Variants in TMTC1 observed in about 807,000 individuals in gnomAD.
TMTC1 encodes transmembrane O-mannosyltransferase targeting cadherins 1.
In TMTC1, 73 loss-of-function variants were observed where a neutral mutation model predicts 104.8. That is an observed-to-expected ratio of 0.70 (90% CI 0.58 to 0.85). The LOEUF (loss-of-function observed/expected upper bound fraction) is 0.85, where lower values mean the gene tolerates loss of function less well. Among genes scored for constraint, TMTC1 ranks in the 40% least tolerant of loss-of-function variants. TMTC1 has a pLI of 0.00. For missense variants in TMTC1, 1,035 were observed against 1,096.1 expected, an observed-to-expected ratio of 0.94 and a Z score of 0.79; for synonymous variants, 434 against 428.7, an observed-to-expected ratio of 1.01 and a Z score of -0.15.
At chr12:29,746,938 A>C (rs1592004382) in intron 5 of TMTC1, among the ~76,000 whole-genome samples, 1 of 152,314 alleles carries the variant, frequency 6.6e-6, no homozygotes, top group South Asian at 2.1e-4. Context: ...TCCAGCACCA[A>C]AAATAGTGCC....
intron 1 of TMTC1, among the ~76,000 whole-genome samples, chr12:29,768,836 T>G (rs1377497851): frequency 6.6e-6 from 1 of 152,228 alleles, no homozygotes; most frequent in East Asian, 1.9e-4. Flanking sequence ...AAAAAAATAC[T>G]TTCATGAGAC....
At chr12:29,618,495 CT>C (rs1947046530) in intron 6 of TMTC1, among the ~76,000 whole-genome samples, 1 of 151,882 alleles carries the variant, frequency 6.6e-6, no homozygotes, top group African/African-American at 2.4e-5. Flanking sequence ...AACTTGTTTT[CT>C]TTCTAATATT....
downstream of TMTC1, chr12:29,500,824 T>C (rs759967270): frequency 1.3e-5 from 2 of 152,642 alleles, no homozygotes; most frequent in Non-Finnish European, 2.9e-5. Flanking sequence ...ACTTGAGAGA[T>C]TGAAACCAGA....
At chr12:29,575,043 G>C (rs928656296) in intron 8 of TMTC1, among the ~76,000 whole-genome samples, 1 of 152,082 alleles carries the variant, frequency 6.6e-6, no homozygotes, top group African/African-American at 2.4e-5. Flanking sequence ...GGAGGGGTGG[G>C]AGCAGGAAGG....
chr12:29,581,989 A>G (rs1355894381), intron 8 of TMTC1, among the ~76,000 whole-genome samples: 3 of 152,170 alleles, frequency 2.0e-5, no homozygotes, highest in African/African-American at 2.4e-5. Flanking sequence ...AAGATGCATT[A>G]AAAACAATCC....
chr12:29,772,100 A>G (rs1172963721), intron 1 of TMTC1, among the ~76,000 whole-genome samples: 1 of 152,222 alleles, frequency 6.6e-6, no homozygotes, highest in East Asian at 1.9e-4. Context: ...CCCAAAGGCT[A>G]GGTTTAGCCT....
chr12:29,752,053 G>GT (rs1318855573), intron 4 of TMTC1, among the ~76,000 whole-genome samples, 181 bp from the exon 5 acceptor site: 2 of 151,920 alleles, frequency 1.3e-5, no homozygotes, highest in Non-Finnish European at 2.9e-5. Context: ...AATTATGAAT[G>GT]TTTTTTCAAT....
chr12:29,691,942 G>T (rs1941281244), intron 5 of TMTC1, among the ~76,000 whole-genome samples: 3 of 144,484 alleles, frequency 2.1e-5, no homozygotes, highest in Non-Finnish European at 3.0e-5. Context: ...ACAAATCGAA[G>T]AAAAAAGCTA....
chr12:29,518,348 T>C, intron 13 of TMTC1, 124 bp downstream of exon 13: 1 of 1,093,844 alleles, frequency 9.1e-7, no homozygotes, highest in South Asian at 2.1e-5. Flanking sequence ...TAAAAATTTG[T>C]ATCACCTGAA....
intron 8 of TMTC1, among the ~76,000 whole-genome samples, chr12:29,577,516 C>T (rs190054558): frequency 2.0e-5 from 3 of 152,264 alleles, no homozygotes; most frequent in Admixed American, 1.3e-4. Context: ...CTATGGTACA[C>T]GGAATCAGAA....
intron 5 of TMTC1, among the ~76,000 whole-genome samples, chr12:29,671,258 C>T (rs1245146126): frequency 6.6e-6 from 1 of 151,366 alleles, no homozygotes; most frequent in Non-Finnish European, 1.5e-5. Context: ...AGCGATTGCA[C>T]CACTGCACTC....
chr12:29,534,769 T>G (rs1944597044), intron 11 of TMTC1: 1 of 152,148 alleles, frequency 6.6e-6, no homozygotes, highest in Non-Finnish European at 1.5e-5. Flanking sequence ...ATAAAACACA[T>G]AGCTGTTCTC....
intron 5 of TMTC1, among the ~76,000 whole-genome samples, chr12:29,706,189 C>T (rs530095222): frequency 6.6e-6 from 1 of 152,144 alleles, no homozygotes; most frequent in Non-Finnish European, 1.5e-5. Flanking sequence ...CTACCAAGTT[C>T]AGACAGAACT....
chr12:29,511,973 A>G, intron 17 of TMTC1, 70 bp downstream of exon 17: 1 of 1,394,322 alleles, frequency 7.2e-7, no homozygotes, highest in Non-Finnish European at 1.0e-6. Context: ...TCAATCCTTT[A>G]AGAAAGAAGA....
chr12:29,697,791 A>C (rs1181791008), intron 5 of TMTC1, among the ~76,000 whole-genome samples: 3 of 152,194 alleles, frequency 2.0e-5, no homozygotes, highest in Admixed American at 1.3e-4. Flanking sequence ...TGTTCTATTC[A>C]GGCCTTCAAC....
intron 5 of TMTC1, among the ~76,000 whole-genome samples, chr12:29,745,202 G>A (rs968662668): frequency 1.3e-5 from 2 of 152,064 alleles, no homozygotes; most frequent in African/African-American, 4.8e-5. Flanking sequence ...TCTATAGGAG[G>A]TCATTTGCCT....
intron 5 of TMTC1, among the ~76,000 whole-genome samples, chr12:29,683,936 C>T (rs1302223816): frequency 6.6e-6 from 1 of 151,944 alleles, no homozygotes; most frequent in Non-Finnish European, 1.5e-5. Context: ...CTCCGTCTCC[C>T]AGGCTCAAGC....
intron 5 of TMTC1, among the ~76,000 whole-genome samples, chr12:29,730,804 A>G (rs1399988016): frequency 6.6e-6 from 1 of 152,192 alleles, no homozygotes; most frequent in Non-Finnish European, 1.5e-5. Context: ...CTAGGGTATA[A>G]AACGGGAAGG....
At chr12:29,656,019 A>G (rs1017431271) in intron 5 of TMTC1, among the ~76,000 whole-genome samples, 5 of 152,144 alleles carry the variant, frequency 3.3e-5, no homozygotes, top group Non-Finnish European at 5.9e-5. Context: ...GACGGCCATA[A>G]CCACCTGGCA....
Sources: allele counts gnomAD v4.1 joint callset (sites outside exome capture counted in the v4.1 genomes callset), GRCh38; gene constraint gnomAD v4.1.1; transcripts MANE v1.5; gene names NCBI Gene and HGNC (gene_info 2026-07-23, HGNC 2026-07-21).